Variants in PRKCE observed in about 807,000 individuals in gnomAD.
PRKCE encodes the protein protein kinase C epsilon type.
PRKCE carries 16 observed loss-of-function variants against 85.4 expected under a neutral mutation model. The ratio of observed to expected loss-of-function variants is 0.19; its 90% CI spans 0.13 to 0.28. PRKCE has a LOEUF of 0.28. PRKCE is among the 10% of genes least tolerant of loss of function. The pLI is 1.00. For missense variants in PRKCE, 573 were observed against 975.2 expected (o/e 0.59, Z 5.49); for synonymous variants, 388 against 371.5 (o/e 1.04, Z -0.51).
In PRKCE at chr2:46,159,479, A is replaced by C. The variant is rs1677545765; in HGVS notation, c.1921-127A>C. The C allele has an allele frequency of 1.0e-6, 1 of 986,716 alleles. No individual in the cohort carries two copies. The highest frequency in any genetic ancestry group is 1.5e-6 in the Non-Finnish European group (1 of 687,418). The allele number at this position is 986,716 out of a possible 1,614,324, so 61.1% of individuals were successfully genotyped here. A position where few individuals can be genotyped will look rare whatever the true frequency, so the allele number is the denominator to read the frequency against. ...GAAAACCCAACAGATGTGGCCCTTGAAAGTGCAAAGAACAGACTTGGGAGG... is the reference window on the plus strand; with the variant it reads ...GAAAACCCAACAGATGTGGCCCTTGCAAGTGCAAAGAACAGACTTGGGAGG... On this transcript the variant is annotated intron_variant, in intron 13 of 14. Transcript: ENST00000306156. This position sits in a 1 kb window ranked among gnomAD's most constrained non-coding sequence, Gnocchi z 4.1.
At chr2:45,820,456 C>A (rs1689442290) in intron 1 of PRKCE, among the ~76,000 whole-genome samples, 1 of 151,376 alleles carries the variant, frequency 6.6e-6, no homozygotes, top group South Asian at 2.1e-4. Flanking sequence ...TAAGGAAGGG[C>A]AGAATGAGAA....
intron 2 of PRKCE, among the ~76,000 whole-genome samples, chr2:45,909,560 T>C (rs1697227441): frequency 6.6e-6 from 1 of 152,224 alleles, no homozygotes. Flanking sequence ...TAGAAAGTTG[T>C]TAAAATAGCA....
At chr2:45,997,793 TG>T (rs1168102438) in intron 6 of PRKCE, among the ~76,000 whole-genome samples, 3 of 152,196 alleles carry the variant, frequency 2.0e-5, no homozygotes, top group Non-Finnish European at 4.4e-5. Flanking sequence ...GTGATCCACC[TG>T]CCTTGGCCTC....
chr2:45,916,856 T>G (rs1697824995), intron 2 of PRKCE, among the ~76,000 whole-genome samples: 1 of 152,190 alleles, frequency 6.6e-6, no homozygotes, highest in Non-Finnish European at 1.5e-5. Context: ...CTGGAGTTTG[T>G]TCCTTCTGAT....
At position 45,652,491 on chromosome 2, in the gene PRKCE, G is replaced by C. The variant is rs749464259; in HGVS notation, c.348+43G>C. 5.3e-6 allele frequency: 8 copies of C among 1,519,402 alleles called. No individual in the cohort carries two copies. Among genetic ancestry groups the C allele is most frequent in the Middle Eastern group, 2.4e-4 (1 of 4,204 alleles). 94.1% of individuals were successfully genotyped at this position (1,519,402 alleles called of 1,614,324 possible). ...CCGTCATTCCGGGAACCCGGTTGTG[G>C]GGTCCCGGGGAAAGACTCGCTGGTC... On this transcript the variant is annotated intron_variant, in intron 1 of 14. Coordinates refer to ENST00000306156, the MANE Select transcript of PRKCE (RefSeq NM_005400.3). This position sits in a 1 kb window ranked among gnomAD's most constrained non-coding sequence, Gnocchi z 7.7.
At chr2:46,179,685 T>C (rs1220536839) in intron 14 of PRKCE, among the ~76,000 whole-genome samples, 1 of 152,190 alleles carries the variant, frequency 6.6e-6, no homozygotes, top group Non-Finnish European at 1.5e-5. Flanking sequence ...TTTGTTTCTA[T>C]CTTGTGTCAG....
intron 10 of PRKCE, among the ~76,000 whole-genome samples, chr2:46,037,498 G>A (rs1297336651): frequency 6.6e-6 from 1 of 152,168 alleles, no homozygotes; most frequent in African/African-American, 2.4e-5. Context: ...AACTACTCTG[G>A]AGGAGTTCAA....
chr2:46,094,807 TAAA>T (rs70937986), intron 11 of PRKCE, among the ~76,000 whole-genome samples: 8 of 146,488 alleles, frequency 5.5e-5, no homozygotes, highest in Non-Finnish European at 6.0e-5. Flanking sequence ...AAGTTGAAGT[TAAA>T]AAAAAAAAAA....
intron 1 of PRKCE, among the ~76,000 whole-genome samples, chr2:45,734,145 T>C (rs959914172): frequency 3.3e-5 from 5 of 152,062 alleles, no homozygotes; most frequent in Admixed American, 2.0e-4. Flanking sequence ...GGCAGGTGGA[T>C]CATGAGGTCA....
At chr2:46,000,560 T>A (rs1034868323) in intron 6 of PRKCE, among the ~76,000 whole-genome samples, 5 of 152,072 alleles carry the variant, frequency 3.3e-5, no homozygotes, top group Non-Finnish European at 7.4e-5. Flanking sequence ...AAAATGGTTC[T>A]CTCCCCACGT....
intron 1 of PRKCE, among the ~76,000 whole-genome samples, chr2:45,667,163 TA>T (rs1465409482): frequency 6.6e-6 from 1 of 151,880 alleles, no homozygotes; most frequent in Non-Finnish European, 1.5e-5. Context: ...ATACAAAAAG[TA>T]GCCGGATGTG....
At chr2:45,992,476 C>T (rs149411145) in intron 6 of PRKCE, among the ~76,000 whole-genome samples, 155 of 152,310 alleles carry the variant, frequency 1.0e-3, no homozygotes, top group African/African-American at 3.3e-3. Flanking sequence ...AACGACTTTG[C>T]GGTCGTTCAC....
chr2:46,007,512 C>G lies in PRKCE; in HGVS notation c.1114C>G (p.Arg372Gly), dbSNP rs1225882041. The G allele has an allele frequency of 5.6e-6, 9 of 1,599,728 alleles. No homozygotes were observed. Among genetic ancestry groups the G allele is most frequent in the Non-Finnish European group, 6.8e-6 (8 of 1,179,950 alleles). The change falls in exon 9 of 15, where the codon CGA becomes GGA. Residue 372 changes from arginine to glycine, a missense_variant. By Grantham distance (125) the Arg-to-Gly change is moderately radical. Transcript: ENST00000306156. ...NIRKALSFDN[R>G]GEEHRAASSP... ...TCGGAAAGCCTTGTCATTTGACAAC[C>G]GAGGAGAGGAGCACCGGGCAGCATC...
intron 2 of PRKCE, among the ~76,000 whole-genome samples, chr2:45,963,782 C>T (rs1174947496): frequency 6.6e-6 from 1 of 152,240 alleles, no homozygotes; most frequent in Non-Finnish European, 1.5e-5. Context: ...CTCCAGATCT[C>T]TTGGGAAAGA....
chr2:46,102,403 T>C (rs1183481245), intron 11 of PRKCE, among the ~76,000 whole-genome samples: 1 of 152,202 alleles, frequency 6.6e-6, no homozygotes, highest in Non-Finnish European at 1.5e-5. Flanking sequence ...AAATAAACTT[T>C]TTGTTTTAGA....
chr2:46,165,693 C>T (rs2104618953), intron 14 of PRKCE, among the ~76,000 whole-genome samples: 1 of 152,312 alleles, frequency 6.6e-6, no homozygotes, highest in East Asian at 1.9e-4. Flanking sequence ...ATCATCTGAC[C>T]TTGCAGATCT....
At chr2:45,931,820 C>T (rs2104059349) in intron 2 of PRKCE, among the ~76,000 whole-genome samples, 1 of 152,138 alleles carries the variant, frequency 6.6e-6, no homozygotes, top group East Asian at 1.9e-4. Flanking sequence ...GATTCTCGTG[C>T]CTCAGCCTCC....
At chr2:46,133,929 G>A (rs1049851883) in intron 11 of PRKCE, among the ~76,000 whole-genome samples, 1 of 152,182 alleles carries the variant, frequency 6.6e-6, no homozygotes, top group Non-Finnish European at 1.5e-5. Flanking sequence ...AGGTAAAGTG[G>A]CCAAGAGAGG....
At chr2:45,968,439 G>C (rs1467120265) in intron 2 of PRKCE, among the ~76,000 whole-genome samples, 1 of 152,130 alleles carries the variant, frequency 6.6e-6, no homozygotes, top group Non-Finnish European at 1.5e-5. Context: ...GTATGCAAAG[G>C]CATACAAAGT....
Sources: allele counts gnomAD v4.1 joint callset (sites outside exome capture counted in the v4.1 genomes callset), GRCh38; gene constraint gnomAD v4.1.1; non-coding constraint Gnocchi (gnomAD v3.1); transcripts MANE v1.5; gene names NCBI Gene and HGNC (gene_info 2026-07-23, HGNC 2026-07-21).